Variants in GPD1L observed in about 807,000 individuals in gnomAD.
GPD1L encodes glycerol-3-phosphate dehydrogenase 1-like protein.
GPD1L carries 17 observed loss-of-function variants against 32.9 expected under a neutral mutation model. That is an observed-to-expected ratio of 0.52 (90% CI 0.35 to 0.78). The LOEUF is 0.78. Among genes scored for constraint, GPD1L ranks in the 30% least tolerant of loss-of-function variants. The pLI is 0.01. For synonymous variants in GPD1L, 187 were observed against 165.9 expected, an observed-to-expected ratio of 1.13 and a Z score of -0.98; for missense variants, 361 against 447.8, an observed-to-expected ratio of 0.81 and a Z score of 1.75.
In GPD1L at chr3:32,168,383, C is replaced by T. The variant is rs1338627881; in HGVS notation, c.*2473C>T. The T allele has an allele frequency of 6.6e-6, 1 of 152,642 alleles. No individual in the cohort carries two copies. The highest frequency in any genetic ancestry group is 2.4e-5 in the African/African-American group (1 of 41,440). The allele number at this position is 152,642 out of a possible 1,614,324, so 9.5% of individuals were successfully genotyped here. A position where few individuals can be genotyped will look rare whatever the true frequency, so the allele number is the denominator to read the frequency against. On this transcript the variant is annotated 3_prime_UTR_variant, in exon 8 of 8. Coordinates refer to ENST00000282541, the MANE Select transcript of GPD1L (RefSeq NM_015141.4). Reference sequence around the variant, plus strand: ...GCAGCTCAATTTGTACTACTTCAGCCAATCTGTGAATGTAAAAACTACACT... The same window carrying T: ...GCAGCTCAATTTGTACTACTTCAGCTAATCTGTGAATGTAAAAACTACACT...
At chr3:32,134,064 T>G (rs982363101) in intron 2 of GPD1L, among the ~76,000 whole-genome samples, 7 of 152,204 alleles carry the variant, frequency 4.6e-5, no homozygotes, top group African/African-American at 1.7e-4. Context: ...CCAGCATATT[T>G]CAGAATCTGG....
chr3:32,115,808 A>T (rs1700325648), intron 1 of GPD1L, among the ~76,000 whole-genome samples: 4 of 34,326 alleles, frequency 1.2e-4, no homozygotes, highest in East Asian at 7.1e-4. Flanking sequence ...TTTTTTTTTG[A>T]GACGGAGTCT....
chr3:32,133,164 C>T (rs1700610728), intron 2 of GPD1L, among the ~76,000 whole-genome samples: 1 of 152,202 alleles, frequency 6.6e-6, no homozygotes, highest in Admixed American at 6.5e-5. Flanking sequence ...GGCCACGATG[C>T]TCCGTGCAGC....
intron 2 of GPD1L, among the ~76,000 whole-genome samples, chr3:32,131,690 A>G (rs1700589391): frequency 6.6e-6 from 1 of 152,218 alleles, no homozygotes; most frequent in Non-Finnish European, 1.5e-5. Flanking sequence ...CTCTTTGGGT[A>G]TTATGAATAA....
At chr3:32,146,755 G>C (rs763754815) in intron 5 of GPD1L, 21 bp downstream of exon 5, 4 of 1,389,184 alleles carry the variant, frequency 2.9e-6, no homozygotes, top group Non-Finnish European at 4.1e-6. Flanking sequence ...CCTCAGGGGA[G>C]GAGTTCATCA....
Position 32,159,095 on chromosome 3 carries a change from G to T in GPD1L, c.838G>T (p.Ala280Ser). 1.2e-6 allele frequency: 2 copies of T among 1,613,210 alleles called. No homozygotes were observed. Among genetic ancestry groups the T allele is most frequent in the Non-Finnish European group, 1.7e-6 (2 of 1,179,640 alleles). ...GAACCGCAGGGTGGCCGAGGCCTTC[G>T]CCAGAACTGGGAAGGTAGCCCCTCA... The part of the protein sequence containing the change: ...GRNRRVAEAF[A>S]RTGKTIEELE... Residue 280 changes from alanine (A) to serine (S), a missense_variant, in exon 6 of 8, where the codon GCC (alanine) becomes TCC (serine). By Grantham distance (99) the Ala-to-Ser change is moderately conservative (BLOSUM62 1). Transcript: ENST00000282541.
At chr3:32,155,352 A>G (rs576451393) in intron 5 of GPD1L, among the ~76,000 whole-genome samples, 42 of 152,300 alleles carry the variant, frequency 2.8e-4, no homozygotes, top group African/African-American at 9.9e-4. Context: ...GCAGTGTGTA[A>G]CTAGCCTGGG....
chr3:32,165,863 G>C lies in GPD1L; in HGVS notation c.1009G>C (p.Val337Leu), dbSNP rs766273195. Residue 337 changes from valine to leucine, a missense_variant, in exon 8 of 8, where the codon GTT becomes CTT. Physicochemically the swap from Val to Leu is conservative, Grantham distance 32 (BLOSUM62 1). Coordinates refer to ENST00000282541, the MANE Select transcript of GPD1L (RefSeq NM_015141.4). ...VYQICYESRPVQEMLSCLQSH... is the reference protein window; with the variant it reads ...VYQICYESRPLQEMLSCLQSH... ...TCAGATCTGCTACGAAAGCAGACCA[G>C]TTCAAGAGATGTTGTCTTGTCTTCA... 1.9e-6 allele frequency: 3 copies of C among 1,609,684 alleles called. No individual in the cohort carries two copies. Among genetic ancestry groups the C allele is most frequent in the Non-Finnish European group, 2.6e-6 (3 of 1,175,900 alleles).
chr3:32,117,668 T>G (rs1461198585), intron 1 of GPD1L, among the ~76,000 whole-genome samples: 2 of 152,328 alleles, frequency 1.3e-5, no homozygotes, highest in East Asian at 3.9e-4. Flanking sequence ...TTGCAGAATG[T>G]ATTTATCTAA....
At chr3:32,134,767 C>G (rs533755260) in intron 2 of GPD1L, among the ~76,000 whole-genome samples, 1 of 152,322 alleles carries the variant, frequency 6.6e-6, no homozygotes, top group Admixed American at 6.5e-5. Context: ...GGGATTATGG[C>G]ATGAGCCACT....
intron 2 of GPD1L, among the ~76,000 whole-genome samples, chr3:32,132,935 A>T (rs962241784): frequency 6.6e-6 from 1 of 152,222 alleles, no homozygotes; most frequent in Non-Finnish European, 1.5e-5. Context: ...ATGTTTCTGC[A>T]TGTAGAGCCA....
intron 5 of GPD1L, among the ~76,000 whole-genome samples, chr3:32,157,703 C>T (rs1701014044): frequency 6.6e-6 from 1 of 152,212 alleles, no homozygotes; most frequent in South Asian, 2.1e-4. Context: ...CAGGGCCAGA[C>T]AGAAGAGGCC....
chr3:32,143,217 A>T (rs1340250475), intron 4 of GPD1L, among the ~76,000 whole-genome samples: 1 of 152,086 alleles, frequency 6.6e-6, no homozygotes, highest in Non-Finnish European at 1.5e-5. Context: ...AAATTTAAGT[A>T]AAACATTGAA....
intron 5 of GPD1L, chr3:32,158,315 A>G (rs1395183792): frequency 6.2e-6 from 1 of 161,274 alleles, no homozygotes; most frequent in African/African-American, 2.4e-5. Context: ...AAAAAGTTGA[A>G]AGGCAGGTAA....
At chr3:32,130,528 C>A (rs72850648) in intron 2 of GPD1L, among the ~76,000 whole-genome samples, 5,041 of 152,190 alleles carry the variant, frequency 0.033, 275 homozygotes, top group African/African-American at 0.12. Context: ...GCCAACGTGA[C>A]CCTTCCCCAG....
At chr3:32,117,552 C>G (rs555783455) in intron 1 of GPD1L, among the ~76,000 whole-genome samples, 7 of 152,174 alleles carry the variant, frequency 4.6e-5, no homozygotes, top group Admixed American at 3.3e-4. Context: ...TCCAGGAATG[C>G]GGGCAGGGGT....
chr3:32,140,397 T>A lies in GPD1L; in HGVS notation c.505+31T>A, dbSNP rs1446655160. On this transcript the variant is annotated intron_variant, in intron 4 of 7. Coordinates refer to ENST00000282541, the MANE Select transcript of GPD1L (RefSeq NM_015141.4). ...CACTGCCTGGGAGGGACCCCAGGAG[T>A]CTGGACATTTGATGTTTGAACATGT... 2.5e-6 allele frequency: 4 copies of A among 1,609,730 alleles called. No homozygotes were observed. In the East Asian group the frequency reaches 6.7e-5, roughly 27 times the overall value.
intron 3 of GPD1L, among the ~76,000 whole-genome samples, chr3:32,139,193 A>T (rs186393444): frequency 2.0e-4 from 30 of 152,292 alleles, no homozygotes; most frequent in Admixed American, 1.7e-3. Context: ...ACTCATTTTA[A>T]CCTCTAAGTG....
chr3:32,131,195 C>T (rs972325791), intron 2 of GPD1L, among the ~76,000 whole-genome samples: 2 of 152,154 alleles, frequency 1.3e-5, no homozygotes, highest in Non-Finnish European at 2.9e-5. Context: ...GATTTAGATT[C>T]CAGCACCCCC....
Sources: allele counts gnomAD v4.1 joint callset (sites outside exome capture counted in the v4.1 genomes callset), GRCh38; gene constraint gnomAD v4.1.1; transcripts MANE v1.5; gene names NCBI Gene and HGNC (gene_info 2026-07-23, HGNC 2026-07-21).